PKD1L1: variants seen among roughly 807,000 people sequenced by gnomAD.
PKD1L1 encodes the protein polycystin 1 like 1, transient receptor potential channel interacting.
In PKD1L1, 236 loss-of-function variants were observed where a neutral mutation model predicts 323.4. The ratio of observed to expected loss-of-function variants is 0.73; its 90% CI spans 0.66 to 0.81. The LOEUF (loss-of-function observed/expected upper bound fraction) is 0.81, where lower values mean the gene tolerates loss of function less well. Among genes scored for constraint, PKD1L1 ranks in the 40% least tolerant of loss-of-function variants. The pLI is 0.00. For synonymous variants in PKD1L1, 1,344 were observed against 1,335.0 expected, an observed-to-expected ratio of 1.01 and a Z score of -0.15; for missense variants, 3,320 against 3,508.0, an observed-to-expected ratio of 0.95 and a Z score of 1.35.
chr7:47,939,072 C>T (rs1787931853), intron 3 of PKD1L1, among the ~76,000 whole-genome samples: 2 of 152,258 alleles, frequency 1.3e-5, no homozygotes, highest in Middle Eastern at 3.4e-3. Flanking sequence ...GGTAATATCA[C>T]CTCCCCTCTA....
intron 23 of PKD1L1, 152 bp downstream of exon 23, chr7:47,875,945 T>A (rs12113549): frequency 8.8e-6 from 6 of 683,110 alleles, no homozygotes; most frequent in Non-Finnish European, 1.3e-5. Flanking sequence ...CTTTCTGCAC[T>A]AAAAGGTAGA....
chr7:47,808,719 T>C (rs1784833255), intron 51 of PKD1L1, among the ~76,000 whole-genome samples: 1 of 152,164 alleles, frequency 6.6e-6, no homozygotes, highest in African/African-American at 2.4e-5. Context: ...ATCGAAAAGA[T>C]ACAGTAAAAA....
intron 26 of PKD1L1, among the ~76,000 whole-genome samples, chr7:47,864,750 A>T (rs1786122934): frequency 8.3e-6 from 1 of 120,824 alleles, no homozygotes; most frequent in South Asian, 2.5e-4. Flanking sequence ...ATGGAGTCTC[A>T]CTCTGTTGCC....
rs60918464 is a variant in PKD1L1 at position 47,861,880 on chromosome 7, CAAAAA to C, written c.4150-3000_4150-2996del. 6.8e-5 allele frequency among the ~76,000 whole-genome samples: 3 copies of C among 43,918 alleles called. No homozygotes were observed. In the East Asian group the frequency reaches 3.4e-3, roughly 50 times the overall value. The allele number at this position is 43,918 out of a possible 152,430, so 28.8% of individuals were successfully genotyped here. A position where few individuals can be genotyped will look rare whatever the true frequency, so the allele number is the denominator to read the frequency against. ...TGGGCGACAGAGCAAGACTCTGTCT[CAAAAA>C]AAAAAAAAAAAAAAAAAAAAACAAT... is the stretch of plus-strand genomic sequence containing the variant. On this transcript the variant is annotated intron_variant, in intron 26 of 56. Coordinates refer to ENST00000289672, the MANE Select transcript of PKD1L1 (RefSeq NM_138295.5).
At chr7:47,831,081 G>T in intron 42 of PKD1L1, 136 bp downstream of exon 42, 2 of 1,221,460 alleles carry the variant, frequency 1.6e-6, no homozygotes, top group Non-Finnish European at 2.3e-6. Context: ...ATGGGAGGGA[G>T]AAATGAGGGA....
At chr7:47,926,419 T>C (rs182000644) in intron 7 of PKD1L1, among the ~76,000 whole-genome samples, 205 of 152,306 alleles carry the variant, frequency 1.3e-3, no homozygotes, top group Middle Eastern at 3.4e-3. Flanking sequence ...ACATTTTAGA[T>C]GTATTGATTG....
At chr7:47,939,505 C>T (rs912192904) in intron 3 of PKD1L1, among the ~76,000 whole-genome samples, 1 of 152,204 alleles carries the variant, frequency 6.6e-6, no homozygotes, top group African/African-American at 2.4e-5. Context: ...TCACTCTTCT[C>T]TCGGACCCCA....
In PKD1L1 at chr7:47,946,574, A is replaced by G. The variant is rs555227981; in HGVS notation, c.44+1823T>C. Among the ~76,000 whole-genome samples, 3 of 150,942 alleles carry G rather than the reference A, an allele frequency of 2.0e-5. No individual in the cohort carries two copies. The highest frequency in any genetic ancestry group is 7.3e-5 in the African/African-American group (3 of 41,022). ...CATCACACAGCACACACCATGTATC[A>G]CACACACACCATACCCCACTCATAC... is the stretch of plus-strand genomic sequence containing the variant. On this transcript the variant is annotated intron_variant, in intron 1 of 56. Coordinates refer to ENST00000289672, the MANE Select transcript of PKD1L1 (RefSeq NM_138295.5). This position sits in a 1 kb window ranked among gnomAD's most constrained non-coding sequence, Gnocchi z 4.1.
chr7:47,903,332 A>G (rs561339326), intron 12 of PKD1L1, among the ~76,000 whole-genome samples: 1 of 152,278 alleles, frequency 6.6e-6, no homozygotes, highest in South Asian at 2.1e-4. Context: ...CAGAGCGCCC[A>G]GGGCACACTC....
chr7:47,877,351 CA>C, intron 22 of PKD1L1, 137 bp downstream of exon 22: 1 of 1,280,368 alleles, frequency 7.8e-7, no homozygotes, highest in Non-Finnish European at 1.1e-6. Flanking sequence ...ACCAACTTTC[CA>C]ACATTCAACG....
In PKD1L1 at chr7:47,857,822, G is replaced by A. The variant is rs762967281; in HGVS notation, c.4373C>T (p.Ser1458Phe). ...VISDLLLGCL[S>F]LNHVSTGQME... is the part of the protein sequence containing the mutation. ...CTGCCCAGTGCTAACATGGTTCAAA[G>A]AGAGACAACCCTGAAACATAGAGCA... is the stretch of plus-strand genomic sequence containing the variant. The change falls in exon 28 of 57, where the codon TCT becomes TTT. Residue 1458 changes from serine to phenylalanine, a missense_variant. Ser to Phe is a radical substitution (Grantham distance 155). Transcript: ENST00000289672. The A allele has an allele frequency of 6.8e-6, 11 of 1,614,008 alleles. No individual in the cohort carries two copies. In the East Asian group the frequency reaches 2.4e-4, roughly 36 times the overall value.
At chr7:47,941,999 C>T (rs559239750) in intron 2 of PKD1L1, among the ~76,000 whole-genome samples, 69 of 152,290 alleles carry the variant, frequency 4.5e-4, no homozygotes, top group Non-Finnish European at 7.6e-4. Flanking sequence ...GAAACTGACT[C>T]TCCTAGTCTT....
chr7:47,905,118 TACAA>T lies in PKD1L1; in HGVS notation c.1691+35_1691+38del, dbSNP rs2128751069. Reference sequence around the variant, plus strand: ...TCTTCAGACTGAGTATAGGCTGCAGTACAAACAGCTACTCAGCAGGACTGCTACT... The same window carrying T: ...TCTTCAGACTGAGTATAGGCTGCAGTACAGCTACTCAGCAGGACTGCTACT... On this transcript the variant is annotated intron_variant, in intron 11 of 56. Coordinates refer to ENST00000289672, the MANE Select transcript of PKD1L1 (RefSeq NM_138295.5). 4 of 1,596,528 alleles carry T rather than the reference TACAA, an allele frequency of 2.5e-6. No homozygotes were observed. In the East Asian group the frequency reaches 8.9e-5, roughly 36 times the overall value.
intron 13 of PKD1L1, among the ~76,000 whole-genome samples, chr7:47,899,801 A>C (rs1787041759): frequency 6.6e-6 from 1 of 152,042 alleles, no homozygotes; most frequent in Non-Finnish European, 1.5e-5. Flanking sequence ...CTAAAAATAC[A>C]AAAAATTAGC....
At chr7:47,862,945 G>A (rs755470722) in intron 26 of PKD1L1, among the ~76,000 whole-genome samples, 4 of 152,212 alleles carry the variant, frequency 2.6e-5, no homozygotes, top group Non-Finnish European at 5.9e-5. Context: ...CTTGACTGCT[G>A]TGTGTAGCCT....
chr7:47,831,382 G>T lies in PKD1L1; in HGVS notation c.6338-30C>A, dbSNP rs2128735427. The stretch of plus-strand genomic sequence containing the variant: ...GGAAGAGTAGGACAGAGACAAGGCA[G>T]CTTAAGAGACCTCGGCATCTCCATC... On this transcript the variant is annotated intron_variant, in intron 41 of 56. Coordinates refer to ENST00000289672, the MANE Select transcript of PKD1L1 (RefSeq NM_138295.5). 3.8e-6 allele frequency: 6 copies of T among 1,585,084 alleles called. No individual in the cohort carries two copies. The South Asian group carries it at 5.7e-5, about 15-fold the overall frequency.
intron 46 of PKD1L1, chr7:47,819,499 G>T: frequency 1.5e-6 from 2 of 1,312,828 alleles, no homozygotes; most frequent in South Asian, 1.3e-5. Context: ...ACTTTGTTTT[G>T]CACACAGCAC....
chr7:47,826,843 C>A (rs968599469), intron 45 of PKD1L1, among the ~76,000 whole-genome samples: 2 of 152,140 alleles, frequency 1.3e-5, no homozygotes, highest in Non-Finnish European at 2.9e-5. Flanking sequence ...TTATGAGAAC[C>A]ATAACACAGC....
intron 50 of PKD1L1, among the ~76,000 whole-genome samples, chr7:47,811,102 T>C (rs1231134292): frequency 6.6e-6 from 1 of 151,682 alleles, no homozygotes; most frequent in Admixed American, 6.6e-5. Flanking sequence ...CCAGGCTTGA[T>C]CTTGATCATG....
Sources: allele counts gnomAD v4.1 joint callset (sites outside exome capture counted in the v4.1 genomes callset), GRCh38; gene constraint gnomAD v4.1.1; non-coding constraint Gnocchi (gnomAD v3.1); transcripts MANE v1.5; gene names NCBI Gene and HGNC (gene_info 2026-07-23, HGNC 2026-07-21).